MAP3K13: variants seen among roughly 807,000 people sequenced by gnomAD.
The protein encoded by MAP3K13 is leucine zipper-bearing kinase.
In MAP3K13, 52 loss-of-function variants were observed where a neutral mutation model predicts 104.0. The ratio of observed to expected loss-of-function variants is 0.50; its 90% CI spans 0.40 to 0.63. The LOEUF is 0.63. MAP3K13 is among the 20% of genes least tolerant of loss of function. The probability of loss-of-function intolerance (pLI) is 0.00; values close to 1 mark genes in which losing one functional copy is unlikely to be tolerated. For synonymous variants in MAP3K13, 394 were observed against 442.2 expected (o/e 0.89, Z 1.37); for missense variants, 914 against 1,218.5 (o/e 0.75, Z 3.72).
intron 1 of MAP3K13, among the ~76,000 whole-genome samples, chr3:185,284,576 G>T (rs943778128): frequency 2.0e-5 from 3 of 151,950 alleles, no homozygotes; most frequent in Non-Finnish European, 4.4e-5. Flanking sequence ...AAAATTAGCC[G>T]GGCGGGGCTC....
At position 185,450,816 on chromosome 3, in the gene MAP3K13, A is replaced by G. The variant is rs1715836913; in HGVS notation, c.1170-471A>G. Among the ~76,000 whole-genome samples the G allele has an allele frequency of 6.6e-6, 1 of 152,130 alleles. No individual in the cohort carries two copies. The highest frequency in any genetic ancestry group is 1.5e-5 in the Non-Finnish European group (1 of 68,020). On this transcript the variant is annotated intron_variant, in intron 6 of 13. Transcript: ENST00000265026. The surrounding 1 kb of genome is among the most constrained non-coding windows in gnomAD (Gnocchi z 4.2). ...TTTAAAGAAATGTTAAGGGCCGGGT[A>G]CGGTGGCTCACGCCTGTAATCCCAG...
intron 1 of MAP3K13, among the ~76,000 whole-genome samples, chr3:185,421,093 G>A (rs1037673408): frequency 3.3e-5 from 5 of 152,150 alleles, no homozygotes; most frequent in African/African-American, 1.2e-4. Context: ...TTGTAAGGGC[G>A]GCAGTAGCAT....
At chr3:185,419,309 C>A (rs1388075019) in intron 1 of MAP3K13, among the ~76,000 whole-genome samples, 2 of 152,206 alleles carry the variant, frequency 1.3e-5, no homozygotes, top group Non-Finnish European at 2.9e-5. Flanking sequence ...GCCTATAGTT[C>A]TTTTTATGCC....
intron 12 of MAP3K13, among the ~76,000 whole-genome samples, chr3:185,479,707 A>T (rs1560136816): frequency 6.6e-6 from 1 of 152,190 alleles, no homozygotes; most frequent in African/African-American, 2.4e-5. Context: ...AATACTACAG[A>T]TTGGATGGCT....
In MAP3K13 at chr3:185,308,374, A is replaced by G. The variant is rs7635713; in HGVS notation, c.-86+22731A>G. Among the ~76,000 whole-genome samples the G allele has an allele frequency of 3.4e-3, 514 of 152,214 alleles. 2 individuals are homozygous for G. Among genetic ancestry groups the G allele is most frequent in the African/African-American group, 0.012 (493 of 41,528 alleles). Reference sequence around the variant, plus strand: ...AGCTGCCTAGGTCTCTTTTGTTCTCAGCAGTTCCCAGGCATGCAAAAGTTG... The same window carrying G: ...AGCTGCCTAGGTCTCTTTTGTTCTCGGCAGTTCCCAGGCATGCAAAAGTTG... On this transcript the variant is annotated intron_variant, in intron 2 of 14. Coordinates refer to the MAP3K13 transcript ENST00000424227.
chr3:185,455,827 T>G (rs1340691120), intron 7 of MAP3K13, among the ~76,000 whole-genome samples: 54 of 110,328 alleles, frequency 4.9e-4, no homozygotes, highest in African/African-American at 1.1e-3. Context: ...ATGAGATATA[T>G]ATGAGATATA....
In MAP3K13 at chr3:185,486,844, A is replaced by C. The variant is rs1233553525; in HGVS notation, c.*4388A>C. The C allele has an allele frequency of 1.3e-5, 2 of 152,184 alleles. No individual in the cohort carries two copies. The highest frequency in any genetic ancestry group is 2.9e-5 in the Non-Finnish European group (2 of 68,038). The allele number at this position is 152,184 out of a possible 1,614,324, so 9.4% of individuals were successfully genotyped here. On this transcript the variant is annotated 3_prime_UTR_variant, in exon 14 of 14. Coordinates refer to ENST00000265026, the MANE Select transcript of MAP3K13 (RefSeq NM_004721.5). ...CAGAGGGGCTGAGAAGCCTGCATCT[A>C]CTTTGAAATTATAATGGACCTTACC...
chr3:185,443,300 G>A, intron 3 of MAP3K13, 145 bp from the exon 4 acceptor site: 1 of 587,130 alleles, frequency 1.7e-6, no homozygotes, highest in Non-Finnish European at 2.9e-6. Flanking sequence ...AAGTTTCCAT[G>A]CTAATTTGAG....
chr3:185,420,094 T>C (rs1714031548), intron 1 of MAP3K13, among the ~76,000 whole-genome samples: 1 of 152,174 alleles, frequency 6.6e-6, no homozygotes. Flanking sequence ...TAACCGAAAA[T>C]ATAGGTACAT....
chr3:185,425,744 A>G (rs1310235822), intron 1 of MAP3K13, among the ~76,000 whole-genome samples: 1 of 152,136 alleles, frequency 6.6e-6, no homozygotes, highest in Admixed American at 6.5e-5. Context: ...GTTTCCCCAT[A>G]CTACCTGGAA....
Position 185,287,529 on chromosome 3 carries a change from C to G in MAP3K13, c.-86+1886C>G, listed in dbSNP as rs1720564706. Among the ~76,000 whole-genome samples, 4 of 152,012 alleles carry G rather than the reference C, an allele frequency of 2.6e-5. No homozygotes were observed. In the South Asian group the frequency reaches 8.3e-4, roughly 31 times the overall value. On this transcript the variant is annotated intron_variant, in intron 2 of 14. Coordinates refer to the MAP3K13 transcript ENST00000424227. ...TTACTTCGATAATCATTTTTGTCTT[C>G]CCACACTTTTATTGTAGGATATTTG...
intron 1 of MAP3K13, among the ~76,000 whole-genome samples, chr3:185,376,949 G>A (rs1724457648): frequency 6.6e-6 from 1 of 152,134 alleles, no homozygotes; most frequent in African/African-American, 2.4e-5. Flanking sequence ...GGGTGTCAGG[G>A]TCAGTCCAAG....
chr3:185,368,153 C>G (rs1037699633), intron 1 of MAP3K13, among the ~76,000 whole-genome samples: 1 of 152,024 alleles, frequency 6.6e-6, no homozygotes, highest in Non-Finnish European at 1.5e-5. Context: ...AGAACAGACC[C>G]TGTCTCAAAA....
intron 2 of MAP3K13, among the ~76,000 whole-genome samples, chr3:185,306,218 T>C (rs531184787): frequency 2.5e-4 from 38 of 152,230 alleles, no homozygotes; most frequent in Non-Finnish European, 5.0e-4. Flanking sequence ...GTCTTTGATA[T>C]TGTGAATAGT....
intron 7 of MAP3K13, among the ~76,000 whole-genome samples, chr3:185,455,383 T>TATATATGATATATATGAG (rs1560119351): frequency 1.2e-4 from 4 of 32,320 alleles, no homozygotes; most frequent in East Asian, 8.0e-4. Context: ...ATATATATGA[T>TATATATGATATATATGAG]ATATATATCA....
intron 1 of MAP3K13, among the ~76,000 whole-genome samples, chr3:185,284,563 G>GA (rs1560032659): frequency 1.3e-5 from 2 of 151,732 alleles, no homozygotes; most frequent in East Asian, 3.9e-4. Flanking sequence ...TAAAAATATG[G>GA]AAAAAATTAG....
At position 185,418,838 on chromosome 3, in the gene MAP3K13, G is replaced by A. The variant is rs1393182023; in HGVS notation, c.-85-9659G>A. 4.0e-6 allele frequency: 6 copies of A among 1,514,238 alleles called. No individual in the cohort carries two copies. The highest frequency in any genetic ancestry group is 1.8e-6 in the Non-Finnish European group (2 of 1,118,894). 93.8% of individuals were successfully genotyped at this position (1,514,238 alleles called of 1,614,324 possible). A position where few individuals can be genotyped will look rare whatever the true frequency, so the allele number is the denominator to read the frequency against. ...CCGGCTGCTGCCACAGGAAAAGCAT[G>A]TTCTTGTCTTTTCATCTGTTTTGGG... On this transcript the variant is annotated intron_variant, in intron 1 of 13. Transcript: ENST00000265026. The surrounding 1 kb of genome is among the most constrained non-coding windows in gnomAD (Gnocchi z 4.5).
At chr3:185,399,813 TAA>T (rs1028469276) in intron 1 of MAP3K13, among the ~76,000 whole-genome samples, 2 of 151,984 alleles carry the variant, frequency 1.3e-5, no homozygotes, top group African/African-American at 2.4e-5. Flanking sequence ...TAGGAAAGGA[TAA>T]ACCCTGGCTC....
At chr3:185,454,630 T>TATATGAG (rs1716220772) in intron 7 of MAP3K13, among the ~76,000 whole-genome samples, 2 of 26,384 alleles carry the variant, frequency 7.6e-5, no homozygotes, top group South Asian at 1.5e-3. Context: ...ATATGAGATA[T>TATATGAG]ATATATGAGA....
Sources: allele counts gnomAD v4.1 joint callset (sites outside exome capture counted in the v4.1 genomes callset), GRCh38; gene constraint gnomAD v4.1.1; non-coding constraint Gnocchi (gnomAD v3.1); transcripts MANE v1.5; gene names NCBI Gene and HGNC (gene_info 2026-07-23, HGNC 2026-07-21).